Variants in GALNTL6 observed in about 807,000 individuals in gnomAD.
The protein encoded by GALNTL6 is polypeptide N-acetylgalactosaminyltransferase like 6, also known as polypeptide N-acetylgalactosaminyltransferase-like 6.
GALNTL6 carries 46 observed loss-of-function variants against 73.7 expected under a neutral mutation model. The observed-to-expected ratio is 0.62, with a 90% CI of 0.49 to 0.80. GALNTL6 has a LOEUF of 0.80. Among genes scored for constraint, GALNTL6 ranks in the 30% least tolerant of loss-of-function variants. The probability of loss-of-function intolerance (pLI) is 0.00; values close to 1 mark genes in which losing one functional copy is unlikely to be tolerated. For missense variants in GALNTL6, 604 were observed against 755.0 expected (o/e 0.80, Z 2.34); for synonymous variants, 259 against 263.7 (o/e 0.98, Z 0.17).
chr4:172,484,102 C>T (rs1348128446), intron 5 of GALNTL6, among the ~76,000 whole-genome samples: 1 of 152,076 alleles, frequency 6.6e-6, no homozygotes, highest in African/African-American at 2.4e-5. Context: ...AGAAGGAGAA[C>T]ATACTCCTTG....
chr4:172,716,699 A>G (rs550126451), intron 5 of GALNTL6, among the ~76,000 whole-genome samples: 3 of 152,342 alleles, frequency 2.0e-5, no homozygotes, highest in South Asian at 4.1e-4. Flanking sequence ...GGCTTTGACT[A>G]AAGTGTATGC....
chr4:172,974,820 A>T (rs1295179080), intron 10 of GALNTL6, among the ~76,000 whole-genome samples: 1 of 152,338 alleles, frequency 6.6e-6, no homozygotes, highest in South Asian at 2.1e-4. Flanking sequence ...AGGCAGCTCC[A>T]GGCACCGGCA....
chr4:172,847,192 G>A (rs1743558465), intron 7 of GALNTL6, among the ~76,000 whole-genome samples: 1 of 152,114 alleles, frequency 6.6e-6, no homozygotes, highest in Admixed American at 6.6e-5. Flanking sequence ...GCAATTTCAG[G>A]GGTAAACGTG....
rs191689271 is a variant in GALNTL6 at position 172,129,251 on chromosome 4, T to C, written c.139-100405T>C. Among the ~76,000 whole-genome samples, 18 of 152,212 alleles carry C rather than the reference T, an allele frequency of 1.2e-4. 1 individual carries two copies. The East Asian group carries it at 1.9e-3, about 16-fold the overall frequency. ...AAAACGTCAACAGATTCAGAGTAAG[T>C]AGAAAAAAATATACAGGCAGAAAAC... On this transcript the variant is annotated intron_variant, in intron 2 of 12. Transcript: ENST00000506823.
intron 5 of GALNTL6, among the ~76,000 whole-genome samples, chr4:172,462,995 T>C (rs748899088): frequency 1.8e-4 from 27 of 152,196 alleles, no homozygotes; most frequent in Admixed American, 6.5e-4. Context: ...AAGGACTGCC[T>C]AAACACACCA....
Position 172,168,068 on chromosome 4 carries a change from A to AT in GALNTL6, c.139-61581dup, listed in dbSNP as rs538044161. Among the ~76,000 whole-genome samples, 28 of 151,980 alleles carry AT rather than the reference A, an allele frequency of 1.8e-4. No homozygotes were observed. The East Asian group carries it at 4.6e-3, about 25-fold the overall frequency. On this transcript the variant is annotated intron_variant, in intron 2 of 12. Transcript: ENST00000506823. The stretch of plus-strand genomic sequence containing the variant: ...TACCTCCTTATACTTTCTGAAATAT[A>AT]TTTTTTTCACATTTGGTGAGAACTC...
intron 7 of GALNTL6, among the ~76,000 whole-genome samples, chr4:172,856,064 A>G (rs1744107186): frequency 6.6e-6 from 1 of 152,182 alleles, no homozygotes. Flanking sequence ...GGTTTCTAAA[A>G]CAATGCCAGC....
chr4:171,886,438 C>T (rs946330243), intron 2 of GALNTL6, among the ~76,000 whole-genome samples: 29 of 152,040 alleles, frequency 1.9e-4, no homozygotes, highest in African/African-American at 5.8e-4. Context: ...TTTCTCACAC[C>T]TGTATTGATT....
intron 5 of GALNTL6, among the ~76,000 whole-genome samples, chr4:172,756,286 TA>T (rs1433980643): frequency 6.6e-6 from 1 of 152,218 alleles, no homozygotes; most frequent in East Asian, 1.9e-4. Context: ...AATATGCAAT[TA>T]AAAAAATAAT....
intron 5 of GALNTL6, among the ~76,000 whole-genome samples, chr4:172,607,569 A>C (rs1050345583): frequency 6.6e-6 from 1 of 152,134 alleles, no homozygotes; most frequent in Non-Finnish European, 1.5e-5. Flanking sequence ...ATACATGTGC[A>C]TGTGTCTTTA....
At chr4:171,974,167 C>A (rs1044064293) in intron 2 of GALNTL6, among the ~76,000 whole-genome samples, 2 of 150,864 alleles carry the variant, frequency 1.3e-5, no homozygotes, top group Admixed American at 6.6e-5. Flanking sequence ...ACCCAGCTAA[C>A]CTTTTTTTTT....
intron 5 of GALNTL6, among the ~76,000 whole-genome samples, chr4:172,444,762 A>G (rs1283986276): frequency 6.6e-6 from 1 of 152,174 alleles, no homozygotes; most frequent in African/African-American, 2.4e-5. Context: ...AAAATACCTC[A>G]TCCAATCCTT....
At chr4:172,927,173 A>G (rs1329870375) in intron 8 of GALNTL6, among the ~76,000 whole-genome samples, 76 of 152,182 alleles carry the variant, frequency 5.0e-4, no homozygotes, top group Non-Finnish European at 4.4e-5. Context: ...AAGGTAGAGA[A>G]AGTAGTCCAC....
chr4:172,805,164 C>T (rs569788446), intron 5 of GALNTL6, among the ~76,000 whole-genome samples: 149 of 152,244 alleles, frequency 9.8e-4, no homozygotes, highest in African/African-American at 3.4e-3. Context: ...CCCAAAGTCA[C>T]GCAGCCAGTC....
intron 5 of GALNTL6, among the ~76,000 whole-genome samples, chr4:172,572,253 G>A (rs4692921): frequency 0.46 from 69,391 of 151,978 alleles, 18,331 homozygotes; most frequent in East Asian, 0.67. Flanking sequence ...TGCCTTCCAA[G>A]TGTCATTTCT....
chr4:171,919,111 A>C (rs114453849), intron 2 of GALNTL6, among the ~76,000 whole-genome samples: 16 of 152,108 alleles, frequency 1.1e-4, no homozygotes, highest in African/African-American at 3.9e-4. Flanking sequence ...TTGTACACTT[A>C]AAATTTTGTT....
chr4:172,418,950 A>G (rs1436666064), intron 5 of GALNTL6, among the ~76,000 whole-genome samples: 2 of 7,526 alleles, frequency 2.7e-4, no homozygotes, highest in Non-Finnish European at 1.9e-3. Flanking sequence ...TACGAGATTT[A>G]TCAAGCAATA....
chr4:171,866,303 AT>A (rs1025233616), intron 2 of GALNTL6, among the ~76,000 whole-genome samples: 12 of 151,552 alleles, frequency 7.9e-5, no homozygotes, highest in African/African-American at 9.7e-5. Context: ...TAATTTTTAA[AT>A]TTTTTTTCTT....
chr4:172,049,144 A>AT (rs1730743186), intron 2 of GALNTL6, among the ~76,000 whole-genome samples: 1 of 152,148 alleles, frequency 6.6e-6, no homozygotes, highest in African/African-American at 2.4e-5. Flanking sequence ...TCTTTAGGTT[A>AT]TTTTATAATT....
Sources: gnomAD v4.1 joint callset for allele counts (sites outside exome capture counted in the v4.1 genomes callset) on GRCh38, gnomAD v4.1.1 for gene constraint, MANE v1.5 for transcripts, NCBI Gene and HGNC (gene_info 2026-07-23, HGNC 2026-07-21) for gene names.